Variants in KPNA6 observed in about 807,000 individuals in gnomAD.
The protein encoded by KPNA6 is karyopherin subunit alpha 6.
Under a neutral mutation model 72.0 loss-of-function variants are expected in KPNA6, and 9 were observed. That is an observed-to-expected ratio of 0.13 (90% CI 0.08 to 0.22). The LOEUF is 0.22. Ranked by LOEUF, KPNA6 falls within the 10% of genes least tolerant of loss-of-function variation. KPNA6 has a pLI of 1.00. For synonymous variants in KPNA6, 219 were observed against 242.1 expected, an observed-to-expected ratio of 0.90 and a Z score of 0.89; for missense variants, 374 against 655.7, an observed-to-expected ratio of 0.57 and a Z score of 4.69.
In KPNA6 at chr1:32,161,954, A is replaced by G. The variant is rs1642245073; in HGVS notation, c.655A>G (p.Thr219Ala). The G allele has an allele frequency of 6.2e-7, 1 of 1,613,894 alleles. No homozygotes were observed. The highest frequency in any genetic ancestry group is 2.2e-5 in the East Asian group (1 of 44,886). ...SILNPLLTLL[T>A]KSTRLTMTRN... ...CTTTGCTGTTTCCTTCAGACTCCTT[A>G]CCAAGTCCACACGACTGACGATGAC... The change falls in exon 8 of 14, where the codon ACC becomes GCC. Residue 219 changes from threonine (T) to alanine (A), a missense_variant. Transcript: ENST00000373625.
At chr1:32,147,347 G>T (rs1360136090) in intron 1 of KPNA6, among the ~76,000 whole-genome samples, 1 of 152,050 alleles carries the variant, frequency 6.6e-6, no homozygotes, top group Non-Finnish European at 1.5e-5. Context: ...AGGCTGGAGT[G>T]ACGGTGCAAT....
chr1:32,121,172 G>C (rs993584912), intron 1 of KPNA6, among the ~76,000 whole-genome samples: 1 of 152,118 alleles, frequency 6.6e-6, no homozygotes, highest in African/African-American at 2.4e-5. Context: ...GCTCCTGGCC[G>C]TACCTAGGAG....
chr1:32,116,384 T>G (rs551461571), intron 1 of KPNA6, among the ~76,000 whole-genome samples: 2 of 151,900 alleles, frequency 1.3e-5, no homozygotes, highest in African/African-American at 4.8e-5. Context: ...CCTGGCCAGG[T>G]GCAGTGGCTC....
intron 10 of KPNA6, among the ~76,000 whole-genome samples, chr1:32,164,682 CTG>C (rs1247896246): frequency 2.1e-5 from 3 of 144,478 alleles, no homozygotes; most frequent in African/African-American, 7.7e-5. Flanking sequence ...TATTGGCCAT[CTG>C]TGTATTTTTT....
chr1:32,142,988 G>A, intron 1 of KPNA6: 1 of 1,289,830 alleles, frequency 7.8e-7, no homozygotes, highest in South Asian at 1.2e-5. Context: ...TAGCGTCCAG[G>A]ACAGCCCAGG....
intron 1 of KPNA6, among the ~76,000 whole-genome samples, chr1:32,123,406 G>T (rs564341141): frequency 5.3e-5 from 8 of 151,922 alleles, no homozygotes; most frequent in Admixed American, 6.6e-5. Flanking sequence ...ATACATAAGA[G>T]TAAGTGTACA....
chr1:32,172,154 A>G lies in KPNA6; in HGVS notation c.*1260A>G, dbSNP rs896575096. Reference sequence around the variant, plus strand: ...TAAGTAGGATACTGTGAGGAAGACCAAAAAGAGATATGGATGCTTCCTCGC... The same window carrying G: ...TAAGTAGGATACTGTGAGGAAGACCGAAAAGAGATATGGATGCTTCCTCGC... On this transcript the variant is annotated 3_prime_UTR_variant, in exon 14 of 14. Coordinates refer to ENST00000373625, the MANE Select transcript of KPNA6 (RefSeq NM_012316.5). 10 of 152,232 alleles carry G rather than the reference A, an allele frequency of 6.6e-5. No homozygotes were observed. Among genetic ancestry groups the G allele is most frequent in the Non-Finnish European group, 1.3e-4 (9 of 68,056 alleles). 9.4% of individuals were successfully genotyped at this position (152,232 alleles called of 1,614,324 possible).
At chr1:32,152,319 C>A (rs539486352) in intron 1 of KPNA6, among the ~76,000 whole-genome samples, 1 of 152,046 alleles carries the variant, frequency 6.6e-6, no homozygotes, top group East Asian at 1.9e-4. Context: ...TAGAGGGAGG[C>A]CCTATCTCAA....
At chr1:32,110,616 A>G (rs1641230277) in intron 1 of KPNA6, among the ~76,000 whole-genome samples, 1 of 152,190 alleles carries the variant, frequency 6.6e-6, no homozygotes, top group Admixed American at 6.6e-5. Flanking sequence ...ATAAGATAAC[A>G]GCATTTGGGC....
In KPNA6 at chr1:32,173,301, G is replaced by C. The variant is rs56232792; in HGVS notation, c.*2407G>C. On this transcript the variant is annotated 3_prime_UTR_variant, in exon 14 of 14. Coordinates refer to ENST00000373625, the MANE Select transcript of KPNA6 (RefSeq NM_012316.5). Reference sequence around the variant, plus strand: ...AGTTAAGTCCCTGATACAGGGACCAGTTTCTTAGTGTAAGACATACACATC... The same window carrying C: ...AGTTAAGTCCCTGATACAGGGACCACTTTCTTAGTGTAAGACATACACATC... 390 of 389,750 alleles carry C rather than the reference G, an allele frequency of 1.0e-3. 1 individual carries two copies. Among genetic ancestry groups the C allele is most frequent in the African/African-American group, 7.3e-3 (353 of 48,496 alleles). 24.1% of individuals were successfully genotyped at this position (389,750 alleles called of 1,614,324 possible).
chr1:32,109,675 G>A (rs1184921250), intron 1 of KPNA6, among the ~76,000 whole-genome samples: 1 of 149,524 alleles, frequency 6.7e-6, no homozygotes, highest in East Asian at 2.0e-4. Context: ...ACGGAGTCTG[G>A]CTCTGTTGCC....
intron 1 of KPNA6, among the ~76,000 whole-genome samples, chr1:32,111,525 A>G (rs1296788363): frequency 6.6e-6 from 1 of 152,182 alleles, no homozygotes; most frequent in Non-Finnish European, 1.5e-5. Flanking sequence ...GTTGTAGACC[A>G]AACTAATGCA....
At chr1:32,135,122 C>T (rs1191649324) in intron 1 of KPNA6, among the ~76,000 whole-genome samples, 2 of 152,074 alleles carry the variant, frequency 1.3e-5, no homozygotes, top group African/African-American at 4.8e-5. Context: ...GGCTGGAGTG[C>T]AGTGGCGCAA....
At chr1:32,144,017 G>A (rs1641887430) in intron 1 of KPNA6, among the ~76,000 whole-genome samples, 2 of 152,144 alleles carry the variant, frequency 1.3e-5, no homozygotes, top group African/African-American at 2.4e-5. Flanking sequence ...CACCTGCAAC[G>A]ACAGATGGTA....
At chr1:32,123,915 T>C (rs1641483075) in intron 1 of KPNA6, among the ~76,000 whole-genome samples, 1 of 150,302 alleles carries the variant, frequency 6.7e-6, no homozygotes. Flanking sequence ...GCACCAGTAG[T>C]CCCAGCTACT....
Position 32,128,414 on chromosome 1 carries a change from TATATATATATATAC to T in KPNA6, c.4+20282_4+20295del, listed in dbSNP as rs60294446. 5.5e-3 allele frequency among the ~76,000 whole-genome samples: 712 copies of T among 129,976 alleles called. 8 individuals carry two copies. Among genetic ancestry groups the T allele is most frequent in the African/African-American group, 0.021 (682 of 31,948 alleles). The allele number at this position is 129,976 out of a possible 152,430, so 85.3% of individuals were successfully genotyped here. ...ATATATATATATATATATATATATATATATATATATATACACACACACACACATATATATATACA... is the reference window on the plus strand; with the variant it reads ...ATATATATATATATATATATATATATACACACACACACATATATATATACA... On this transcript the variant is annotated intron_variant, in intron 1 of 13. Coordinates refer to ENST00000373625, the MANE Select transcript of KPNA6 (RefSeq NM_012316.5).
At chr1:32,169,629 T>TG (rs1642400911) in intron 12 of KPNA6, among the ~76,000 whole-genome samples, 1 of 148,288 alleles carries the variant, frequency 6.7e-6, no homozygotes, top group Non-Finnish European at 1.5e-5. Context: ...TTTTTTTTTT[T>TG]GTATTTTTTT....
At chr1:32,138,572 G>T (rs111234583) in intron 1 of KPNA6, among the ~76,000 whole-genome samples, 3,183 of 151,716 alleles carry the variant, frequency 0.021, 52 homozygotes, top group Non-Finnish European at 0.034. Context: ...AAAAATGGAG[G>T]TGGAAGCTAA....
At position 32,118,047 on chromosome 1, in the gene KPNA6, T is replaced by A. The variant is rs149565047; in HGVS notation, c.4+9913T>A. On this transcript the variant is annotated intron_variant, in intron 1 of 13. Transcript: ENST00000373625. The stretch of plus-strand genomic sequence containing the variant: ...AAACTATTCTCCTGCCTCAGCCTCC[T>A]GAGTAACTGGGATTACAGGCATGCA... Among the ~76,000 whole-genome samples the A allele has an allele frequency of 8.5e-5, 13 of 152,146 alleles. 1 individual carries two copies. The East Asian group carries it at 2.5e-3, about 29-fold the overall frequency.
Sources: gnomAD v4.1 joint callset for allele counts (sites outside exome capture counted in the v4.1 genomes callset) on GRCh38, gnomAD v4.1.1 for gene constraint, MANE v1.5 for transcripts, NCBI Gene and HGNC (gene_info 2026-07-23, HGNC 2026-07-21) for gene names.